The following EIPR1 variants were observed in gnomAD, a reference collection of about 807,000 sequenced individuals.
The protein encoded by EIPR1 is EARP complex and GARP complex interacting protein 1, also known as EARP and GARP complex-interacting protein 1.
Under a neutral mutation model 48.1 loss-of-function variants are expected in EIPR1, and 25 were observed. The ratio of observed to expected loss-of-function variants is 0.52; its 90% CI spans 0.38 to 0.73. The LOEUF is 0.73. Ranked by LOEUF, EIPR1 falls within the 30% of genes least tolerant of loss-of-function variation. The pLI is 0.00. For synonymous variants in EIPR1, 204 were observed against 201.9 expected (o/e 1.01, Z -0.09); for missense variants, 415 against 506.2 (o/e 0.82, Z 1.73).
At chr2:3,291,388 T>C (rs1357155498) in intron 3 of EIPR1, among the ~76,000 whole-genome samples, 1 of 152,222 alleles carries the variant, frequency 6.6e-6, no homozygotes, top group Non-Finnish European at 1.5e-5. Context: ...AGTTCTGCAG[T>C]GTACCCAAAT....
In EIPR1 at chr2:3,252,300, G is replaced by A. The variant is rs534314562; in HGVS notation, c.416+4999C>T. 7.2e-5 allele frequency among the ~76,000 whole-genome samples: 11 copies of A among 152,184 alleles called. No homozygotes were observed. In the East Asian group the frequency reaches 1.4e-3, roughly 19 times the overall value. On this transcript the variant is annotated intron_variant, in intron 4 of 8. Coordinates refer to ENST00000382125, the MANE Select transcript of EIPR1 (RefSeq NM_003310.5). ...GCGGCAACTCCTACGAAGATAAAAC[G>A]GCAAAACGGGCCACGTGCAACAGCT... is the stretch of plus-strand genomic sequence containing the variant.
intron 4 of EIPR1, among the ~76,000 whole-genome samples, chr2:3,219,578 G>A (rs1165071410): frequency 6.6e-6 from 1 of 150,718 alleles, no homozygotes; most frequent in Admixed American, 6.6e-5. Context: ...TGAGTCAGGT[G>A]CACACCAAGC....
chr2:3,335,880 G>A (rs1195243872), intron 3 of EIPR1, among the ~76,000 whole-genome samples: 1 of 152,178 alleles, frequency 6.6e-6, no homozygotes, highest in East Asian at 1.9e-4. Flanking sequence ...GCAGAACTGT[G>A]AGTCCATTAA....
chr2:3,321,880 C>A (rs776167582), intron 3 of EIPR1, among the ~76,000 whole-genome samples: 5 of 152,226 alleles, frequency 3.3e-5, no homozygotes, highest in African/African-American at 9.6e-5. Flanking sequence ...GCTGCCTCAT[C>A]CACGGACTCC....
In EIPR1 at chr2:3,249,197, G is replaced by T. The variant is rs143261238; in HGVS notation, c.416+8102C>A. Among the ~76,000 whole-genome samples the T allele has an allele frequency of 1.4e-4, 22 of 152,318 alleles. 1 individual carries two copies. Among genetic ancestry groups the T allele is most frequent in the African/African-American group, 5.3e-4 (22 of 41,584 alleles). Reference sequence around the variant, plus strand: ...TTTCTTAGAGACTTATTGAGTGATTGTAGCCAAAATGCTTATAGAAATATG... The same window carrying T: ...TTTCTTAGAGACTTATTGAGTGATTTTAGCCAAAATGCTTATAGAAATATG... On this transcript the variant is annotated intron_variant, in intron 4 of 8. Coordinates refer to ENST00000382125, the MANE Select transcript of EIPR1 (RefSeq NM_003310.5).
At chr2:3,354,742 A>T in intron 1 of EIPR1, 109 bp from the exon 2 acceptor site, 1 of 1,125,294 alleles carries the variant, frequency 8.9e-7, no homozygotes, top group Non-Finnish European at 1.3e-6. Context: ...GATAAAGTAT[A>T]AATTAGTACA....
chr2:3,266,060 C>T (rs1215431524), intron 3 of EIPR1, among the ~76,000 whole-genome samples: 4 of 152,216 alleles, frequency 2.6e-5, no homozygotes, highest in Admixed American at 1.3e-4. Flanking sequence ...GAGGCATATT[C>T]GCGACTGCCA....
chr2:3,296,886 T>C (rs1668618257), intron 3 of EIPR1, among the ~76,000 whole-genome samples: 1 of 152,270 alleles, frequency 6.6e-6, no homozygotes, highest in Non-Finnish European at 1.5e-5. Flanking sequence ...GGCTCTGACC[T>C]TTCTTCAACC....
intron 3 of EIPR1, among the ~76,000 whole-genome samples, chr2:3,261,292 A>G (rs903880755): frequency 6.6e-5 from 10 of 152,124 alleles, no homozygotes; most frequent in African/African-American, 2.4e-4. Context: ...ACATGCACAC[A>G]TGAGTGCAAA....
At chr2:3,316,655 T>C (rs1389138404) in intron 3 of EIPR1, among the ~76,000 whole-genome samples, 2 of 152,236 alleles carry the variant, frequency 1.3e-5, no homozygotes, top group Non-Finnish European at 2.9e-5. Flanking sequence ...TGTCTTCACG[T>C]TGACTTTTCA....
chr2:3,349,106 T>TACCCATG (rs1311896404), intron 2 of EIPR1, among the ~76,000 whole-genome samples: 1 of 152,180 alleles, frequency 6.6e-6, no homozygotes, highest in African/African-American at 2.4e-5. Context: ...ACACTTCAGG[T>TACCCATG]GCAAGAGCAT....
intron 4 of EIPR1, among the ~76,000 whole-genome samples, chr2:3,230,525 C>T (rs1319988376): frequency 6.6e-6 from 1 of 152,150 alleles, no homozygotes; most frequent in Non-Finnish European, 1.5e-5. Context: ...CATATTCATG[C>T]TCAAAATGTT....
intron 3 of EIPR1, chr2:3,319,892 G>A (rs78261577): frequency 1.2e-4 from 8 of 68,624 alleles, no homozygotes; most frequent in East Asian, 1.1e-3. Flanking sequence ...GGACAACACC[G>A]CACCTGTGGA....
At chr2:3,209,365 C>T (rs1038480445) in intron 5 of EIPR1, among the ~76,000 whole-genome samples, 1 of 152,190 alleles carries the variant, frequency 6.6e-6, no homozygotes, top group African/African-American at 2.4e-5. Context: ...ACAGAAACCA[C>T]GTACTCCAGA....
Position 3,286,837 on chromosome 2 carries a change from G to C in EIPR1, c.260-29382C>G, listed in dbSNP as rs926383768. Among the ~76,000 whole-genome samples, 2 of 152,214 alleles carry C rather than the reference G, an allele frequency of 1.3e-5. No homozygotes were observed. Among genetic ancestry groups the C allele is most frequent in the Admixed American group, 1.3e-4 (2 of 15,282 alleles). On this transcript the variant is annotated intron_variant, in intron 3 of 8. Transcript: ENST00000382125. This position sits in a 1 kb window ranked among gnomAD's most constrained non-coding sequence, Gnocchi z 4.2. Reference sequence around the variant, plus strand: ...AGCCACCGTCCAAGAACACACCAGAGTGCCAGCCGGCAGAGGGGGCTGTGG... The same window carrying C: ...AGCCACCGTCCAAGAACACACCAGACTGCCAGCCGGCAGAGGGGGCTGTGG...
At chr2:3,244,751 G>T (rs1182342265) in intron 4 of EIPR1, among the ~76,000 whole-genome samples, 1 of 152,206 alleles carries the variant, frequency 6.6e-6, no homozygotes, top group Non-Finnish European at 1.5e-5. Flanking sequence ...ATGAATTTCT[G>T]CTGTCTGGAA....
chr2:3,373,677 T>C (rs1659770582), intron 1 of EIPR1, among the ~76,000 whole-genome samples: 1 of 152,140 alleles, frequency 6.6e-6, no homozygotes. Context: ...GCAAGGCACA[T>C]GAAGGACCTC....
At chr2:3,245,197 TGC>T (rs1410450460) in intron 4 of EIPR1, among the ~76,000 whole-genome samples, 6 of 152,072 alleles carry the variant, frequency 3.9e-5, no homozygotes, top group South Asian at 2.1e-4. Context: ...ACCGTTGCGT[TGC>T]GTTGCGTTGC....
At chr2:3,373,249 C>G (rs894515362) in intron 1 of EIPR1, among the ~76,000 whole-genome samples, 5 of 151,516 alleles carry the variant, frequency 3.3e-5, no homozygotes, top group African/African-American at 1.2e-4. Flanking sequence ...TAAGAGCTAT[C>G]TATGACAAAC....
Sources: allele counts gnomAD v4.1 joint callset (sites outside exome capture counted in the v4.1 genomes callset), GRCh38; gene constraint gnomAD v4.1.1; non-coding constraint Gnocchi (gnomAD v3.1); transcripts MANE v1.5; gene names NCBI Gene and HGNC (gene_info 2026-07-23, HGNC 2026-07-21).